The following ZBTB46 variants were observed in gnomAD, a reference collection of about 807,000 sequenced individuals.
ZBTB46 encodes the protein zinc finger and BTB domain containing 46, also known as zinc finger and BTB domain-containing protein 46.
Under a neutral mutation model 44.1 loss-of-function variants are expected in ZBTB46, and 8 were observed. The ratio of observed to expected loss-of-function variants is 0.18; its 90% CI spans 0.11 to 0.33. ZBTB46 has a LOEUF of 0.33. Among genes scored for constraint, ZBTB46 ranks in the 10% least tolerant of loss-of-function variants. The pLI, the probability that ZBTB46 is intolerant of heterozygous loss-of-function variation, is 1.00. For synonymous variants in ZBTB46, 409 were observed against 382.3 expected (o/e 1.07, Z -0.81); for missense variants, 651 against 847.7 (o/e 0.77, Z 2.88).
rs1374433545 is a variant in ZBTB46 at position 63,775,872 on chromosome 20, C to G, written c.1028G>C (p.Gly343Ala). 1 of 1,612,870 alleles carries G rather than the reference C, an allele frequency of 6.2e-7. No individual in the cohort carries two copies. The highest frequency in any genetic ancestry group is 8.5e-7 in the Non-Finnish European group (1 of 1,179,894). Residue 343 changes from glycine (G) to alanine (A), a missense_variant, in exon 3 of 5, where the codon GGA becomes GCA. Gly to Ala is a moderately conservative substitution (Grantham distance 60, BLOSUM62 0). Transcript: ENST00000245663. ...AGGGCCCAGATAGCTGGCTTCTCCT[C>G]CCAGGAGACCCTCCTCCACCTGTGC... is the stretch of plus-strand genomic sequence containing the variant. ...LYAQVEEGLL[G>A]GEASYLGPPL...
At chr20:63,830,966 T>TGGCGG (rs2092847597) in intron 1 of ZBTB46, 131 bp downstream of exon 1, 1 of 133,494 alleles carries the variant, frequency 7.5e-6, no homozygotes, top group Non-Finnish European at 1.6e-5. Flanking sequence ...GGGCGGGGCG[T>TGGCGG]GGCGGGGCGG....
At chr20:63,765,389 C>T (rs901317758) in intron 3 of ZBTB46, among the ~76,000 whole-genome samples, 3 of 152,172 alleles carry the variant, frequency 2.0e-5, no homozygotes, top group African/African-American at 4.8e-5. Context: ...ACAGCGTTGT[C>T]CCACCTGCAC....
intron 3 of ZBTB46, among the ~76,000 whole-genome samples, chr20:63,757,448 A>G (rs2092230751): frequency 6.6e-6 from 1 of 151,978 alleles, no homozygotes; most frequent in Non-Finnish European, 1.5e-5. Flanking sequence ...CCTCCATGTC[A>G]ATGTCCAGTC....
At chr20:63,827,901 TTTTA>T (rs1250360781) in intron 1 of ZBTB46, among the ~76,000 whole-genome samples, 10 of 152,300 alleles carry the variant, frequency 6.6e-5, no homozygotes, top group African/African-American at 1.9e-4. Context: ...CAGGACAATG[TTTTA>T]TTTGTTTATT....
rs1023420828 is a variant in ZBTB46, at chr20:63,825,464, C to A, written c.-34+5633G>T. Among the ~76,000 whole-genome samples, 4 of 151,328 alleles carry A rather than the reference C, an allele frequency of 2.6e-5. No homozygotes were observed. The East Asian group carries it at 7.8e-4, about 30-fold the overall frequency. ...TCACTACCATCAAACCCCTCCCTCC[C>A]GGCTTCCCAGGGCCAGTTGTCCCCA... On this transcript the variant is annotated intron_variant, in intron 1 of 4. Transcript: ENST00000245663.
At chr20:63,797,967 T>C (rs2092616100) in intron 1 of ZBTB46, among the ~76,000 whole-genome samples, 1 of 152,220 alleles carries the variant, frequency 6.6e-6, no homozygotes, top group African/African-American at 2.4e-5. Flanking sequence ...TTCACTCTGA[T>C]GGTAGTTTCT....
intron 1 of ZBTB46, among the ~76,000 whole-genome samples, chr20:63,814,330 G>T (rs905652519): frequency 6.6e-6 from 1 of 152,214 alleles, no homozygotes; most frequent in African/African-American, 2.4e-5. Flanking sequence ...AGCACTGGGG[G>T]TTCCCGCAGC....
chr20:63,794,361 CTT>C (rs956386145), intron 1 of ZBTB46, among the ~76,000 whole-genome samples: 5 of 151,950 alleles, frequency 3.3e-5, no homozygotes, highest in Non-Finnish European at 5.9e-5. Flanking sequence ...CTGGCTAACT[CTT>C]TCATTTTTTG....
In ZBTB46 at chr20:63,767,152, A is replaced by G. The variant is rs2092327253; in HGVS notation, c.1222+8526T>C. On this transcript the variant is annotated intron_variant, in intron 3 of 4. Transcript: ENST00000245663. The surrounding 1 kb of genome is among the most constrained non-coding windows in gnomAD (Gnocchi z 5.0). Reference sequence around the variant, plus strand: ...CGCCGACACGTGGAGCGCCGCGCACATGCCAGGCACACACCGCCAAGGACG... The same window carrying G: ...CGCCGACACGTGGAGCGCCGCGCACGTGCCAGGCACACACCGCCAAGGACG... Among the ~76,000 whole-genome samples, 1 of 152,218 alleles carries G rather than the reference A, an allele frequency of 6.6e-6. No homozygotes were observed.
At chr20:63,817,189 G>T (rs2092764025) in intron 1 of ZBTB46, among the ~76,000 whole-genome samples, 1 of 152,190 alleles carries the variant, frequency 6.6e-6, no homozygotes, top group Non-Finnish European at 1.5e-5. Context: ...GGAGGCAGAG[G>T]CAGGAGGATC....
At chr20:63,753,087 G>A (rs557671341) in intron 3 of ZBTB46, among the ~76,000 whole-genome samples, 6 of 152,278 alleles carry the variant, frequency 3.9e-5, no homozygotes, top group African/African-American at 9.6e-5. Flanking sequence ...TGAGCCCCAG[G>A]GAGCTCAGGA....
intron 1 of ZBTB46, among the ~76,000 whole-genome samples, chr20:63,811,566 CAG>C (rs2092717828): frequency 1.3e-5 from 2 of 151,610 alleles, no homozygotes; most frequent in African/African-American, 4.9e-5. Flanking sequence ...CTCGGGGGTG[CAG>C]AGAGGGGGTG....
intron 1 of ZBTB46, among the ~76,000 whole-genome samples, chr20:63,820,053 C>T (rs1398643139): frequency 1.3e-5 from 2 of 152,086 alleles, no homozygotes; most frequent in African/African-American, 2.4e-5. Context: ...CAACGTATAA[C>T]GAAGAAAAGA....
At chr20:63,830,310 C>T (rs1025951623) in intron 1 of ZBTB46, among the ~76,000 whole-genome samples, 1 of 152,076 alleles carries the variant, frequency 6.6e-6, no homozygotes, top group African/African-American at 2.4e-5. Context: ...CACCGGCTCG[C>T]GCTCCCCCGC....
intron 1 of ZBTB46, among the ~76,000 whole-genome samples, chr20:63,824,403 A>G (rs2092809258): frequency 6.6e-6 from 1 of 152,106 alleles, no homozygotes; most frequent in South Asian, 2.1e-4. Context: ...GAAAGAGAAC[A>G]CCCATTTTAT....
At chr20:63,747,779 C>A (rs1341750807) in intron 4 of ZBTB46, among the ~76,000 whole-genome samples, 1 of 152,110 alleles carries the variant, frequency 6.6e-6, no homozygotes, top group Non-Finnish European at 1.5e-5. Flanking sequence ...CAAACCCAGC[C>A]CCTAGGTGGG....
In ZBTB46 at chr20:63,767,036, A is replaced by C. The variant is rs916619820; in HGVS notation, c.1222+8642T>G. ...TCCACAACCACCTGCTCTGAATAGA[A>C]AGCTGACATTGAACCTAACACGTCC... On this transcript the variant is annotated intron_variant, in intron 3 of 4. Coordinates refer to ENST00000245663, the MANE Select transcript of ZBTB46 (RefSeq NM_001369741.1). This position sits in a 1 kb window ranked among gnomAD's most constrained non-coding sequence, Gnocchi z 5.0. Among the ~76,000 whole-genome samples, 1 of 152,220 alleles carries C rather than the reference A, an allele frequency of 6.6e-6. No homozygotes were observed. The highest frequency in any genetic ancestry group is 6.5e-5 in the Admixed American group (1 of 15,288).
intron 3 of ZBTB46, among the ~76,000 whole-genome samples, chr20:63,753,436 CCAA>C (rs2092189892): frequency 6.6e-6 from 1 of 152,224 alleles, no homozygotes; most frequent in African/African-American, 2.4e-5. Context: ...ACCCTGAGAC[CCAA>C]CGTCACTCAG....
intron 2 of ZBTB46, among the ~76,000 whole-genome samples, chr20:63,778,328 T>C (rs2092441421): frequency 6.6e-6 from 1 of 152,222 alleles, no homozygotes; most frequent in Non-Finnish European, 1.5e-5. Flanking sequence ...CTAGTGGGGC[T>C]GTATGCACGA....
Sources: gnomAD v4.1 joint callset for allele counts (sites outside exome capture counted in the v4.1 genomes callset) on GRCh38, gnomAD v4.1.1 for gene constraint, Gnocchi (gnomAD v3.1) non-coding constraint, MANE v1.5 for transcripts, NCBI Gene and HGNC (gene_info 2026-07-23, HGNC 2026-07-21) for gene names.